The following RSPO3 variants were observed in gnomAD, a reference collection of about 807,000 sequenced individuals.
RSPO3 encodes the protein R-spondin-3.
Under a neutral mutation model 36.5 loss-of-function variants are expected in RSPO3, and 17 were observed. The observed-to-expected ratio is 0.47, with a 90% CI of 0.32 to 0.70. The LOEUF (loss-of-function observed/expected upper bound fraction) is 0.70, where lower values mean the gene tolerates loss of function less well. RSPO3 is among the 30% of genes least tolerant of loss of function. The pLI is 0.04. For missense variants in RSPO3, 294 were observed against 322.5 expected (o/e 0.91, Z 0.68); for synonymous variants, 108 against 107.0 (o/e 1.01, Z -0.06).
chr6:127,158,556 A>G (rs1013010985), intron 4 of RSPO3, among the ~76,000 whole-genome samples: 53 of 152,164 alleles, frequency 3.5e-4, no homozygotes, highest in African/African-American at 1.2e-3. Context: ...AAGATCCAGA[A>G]ATGACTTTTC....
chr6:127,188,631 T>C (rs1280034825), intron 4 of RSPO3, among the ~76,000 whole-genome samples: 1 of 150,922 alleles, frequency 6.6e-6, no homozygotes, highest in Non-Finnish European at 1.5e-5. Context: ...GTTGGGGGAG[T>C]GGAAATACTA....
intron 1 of RSPO3, among the ~76,000 whole-genome samples, chr6:127,145,509 T>C (rs1348384585): frequency 1.3e-5 from 2 of 152,164 alleles, no homozygotes; most frequent in Non-Finnish European, 2.9e-5. Flanking sequence ...AGATCTATTT[T>C]ATACTTCCAA....
intron 1 of RSPO3, among the ~76,000 whole-genome samples, chr6:127,141,607 C>T (rs1001654795): frequency 2.6e-5 from 4 of 152,108 alleles, no homozygotes; most frequent in Admixed American, 1.3e-4. Context: ...ATAATGGTGG[C>T]GCACCAACTG....
At chr6:127,153,596 T>C (rs77525683) in intron 3 of RSPO3, among the ~76,000 whole-genome samples, 4,970 of 152,208 alleles carry the variant, frequency 0.033, 113 homozygotes, top group South Asian at 0.061. Context: ...TTACCTAAGC[T>C]GTAATTTTTT....
chr6:127,126,816 ACAACAT>A (rs1773947393), intron 1 of RSPO3, among the ~76,000 whole-genome samples: 1 of 152,068 alleles, frequency 6.6e-6, no homozygotes, highest in African/African-American at 2.4e-5. Flanking sequence ...GATCACTTCT[ACAACAT>A]CCCCACTGAG....
At position 127,125,298 on chromosome 6, in the gene RSPO3, T is replaced by C. The variant is rs368676789; in HGVS notation, c.97+6009T>C. Among the ~76,000 whole-genome samples, 12 of 152,326 alleles carry C rather than the reference T, an allele frequency of 7.9e-5. No individual in the cohort carries two copies. In the East Asian group the frequency reaches 1.5e-3, roughly 20 times the overall value. On this transcript the variant is annotated intron_variant, in intron 1 of 4. Transcript: ENST00000356698. ...CATCTGACCTTTAGAATTTAATTAATTGCAAGTATCATAAGTTTGTGGTAG... is the reference window on the plus strand; with the variant it reads ...CATCTGACCTTTAGAATTTAATTAACTGCAAGTATCATAAGTTTGTGGTAG...
chr6:127,121,788 A>C (rs1179709733), intron 1 of RSPO3, among the ~76,000 whole-genome samples: 2 of 152,246 alleles, frequency 1.3e-5, no homozygotes, highest in African/African-American at 4.8e-5. Flanking sequence ...CTGTTTCTCA[A>C]GTAAGGACTA....
At chr6:127,162,150 C>T (rs1774721297) in intron 4 of RSPO3, among the ~76,000 whole-genome samples, 1 of 152,100 alleles carries the variant, frequency 6.6e-6, no homozygotes, top group South Asian at 2.1e-4. Context: ...AGGCTCAGAA[C>T]CTGGCATAGT....
At chr6:127,154,299 A>G (rs1415796471) in intron 3 of RSPO3, among the ~76,000 whole-genome samples, 1 of 152,146 alleles carries the variant, frequency 6.6e-6, no homozygotes, top group African/African-American at 2.4e-5. Flanking sequence ...TATACATTAG[A>G]AAGTTTTAGG....
intron 1 of RSPO3, among the ~76,000 whole-genome samples, chr6:127,131,966 G>C (rs1774068152): frequency 6.6e-6 from 1 of 152,114 alleles, no homozygotes; most frequent in Admixed American, 6.6e-5. Context: ...ATAAACTAAA[G>C]TGGCTGTTCA....
chr6:127,153,378 G>A (rs1455256743), intron 3 of RSPO3, among the ~76,000 whole-genome samples: 1 of 151,394 alleles, frequency 6.6e-6, no homozygotes, highest in Non-Finnish European at 1.5e-5. Flanking sequence ...ATATTATTTG[G>A]ATGCTAACAT....
rs1407729842 is a variant in RSPO3 at position 127,170,319 on chromosome 6, G to C, written c.634+14881G>C. Among the ~76,000 whole-genome samples, 2 of 151,564 alleles carry C rather than the reference G, an allele frequency of 1.3e-5. 1 individual carries two copies. The highest frequency in any genetic ancestry group is 3.9e-4 in the East Asian group (2 of 5,146). ...CAATTTATACAATGGATAAAAAATA[G>C]ATGTGCCTTATTGTTGGCAAAGATG... On this transcript the variant is annotated intron_variant, in intron 4 of 4. Transcript: ENST00000356698.
intron 1 of RSPO3, among the ~76,000 whole-genome samples, chr6:127,125,170 A>C (rs1390109121): frequency 6.6e-6 from 1 of 152,128 alleles, no homozygotes; most frequent in Non-Finnish European, 1.5e-5. Context: ...GGTACTAAAG[A>C]ATATGATTGT....
chr6:127,127,638 G>A (rs1773963936), intron 1 of RSPO3, among the ~76,000 whole-genome samples: 1 of 151,914 alleles, frequency 6.6e-6, no homozygotes, highest in Admixed American at 6.6e-5. Context: ...CACTTTCATT[G>A]ATCACTCAAG....
At chr6:127,181,265 T>A (rs75285525) in intron 4 of RSPO3, among the ~76,000 whole-genome samples, 1 of 151,858 alleles carries the variant, frequency 6.6e-6, no homozygotes, top group African/African-American at 2.4e-5. Context: ...GAATGATGTA[T>A]GTAGGTAAGG....
At chr6:127,128,878 G>T (rs912538451) in intron 1 of RSPO3, among the ~76,000 whole-genome samples, 2 of 152,062 alleles carry the variant, frequency 1.3e-5, no homozygotes, top group Non-Finnish European at 2.9e-5. Flanking sequence ...ACAAACCATG[G>T]GGGAGTGTCT....
chr6:127,177,281 G>A (rs1241903711), intron 4 of RSPO3, among the ~76,000 whole-genome samples: 2 of 151,840 alleles, frequency 1.3e-5, no homozygotes, highest in African/African-American at 2.4e-5. Context: ...TGAATTCCCA[G>A]CATTTCAAGC....
At chr6:127,185,859 G>T (rs1052270539) in intron 4 of RSPO3, among the ~76,000 whole-genome samples, 8 of 152,080 alleles carry the variant, frequency 5.3e-5, no homozygotes, top group African/African-American at 1.7e-4. Context: ...CAGCAAGTAT[G>T]AGGCCATCCG....
intron 4 of RSPO3, among the ~76,000 whole-genome samples, chr6:127,155,923 G>T (rs1017661619): frequency 6.6e-6 from 1 of 150,400 alleles, no homozygotes; most frequent in Admixed American, 6.6e-5. Flanking sequence ...TAAAATTAAA[G>T]ACAGAATATC....
Sources: allele counts gnomAD v4.1 joint callset (sites outside exome capture counted in the v4.1 genomes callset), GRCh38; gene constraint gnomAD v4.1.1; transcripts MANE v1.5; gene names NCBI Gene and HGNC (gene_info 2026-07-23, HGNC 2026-07-21).